Variants in SPRY3 observed in about 807,000 individuals in gnomAD.
The protein encoded by SPRY3 is protein sprouty homolog 3.
Under a neutral mutation model 20.2 loss-of-function variants are expected in SPRY3, and 15 were observed. The observed-to-expected ratio is 0.74, with a 90% CI of 0.50 to 1.14. SPRY3 has a LOEUF of 1.14. Among genes scored for constraint, SPRY3 ranks in the 50% most tolerant of loss-of-function variants. SPRY3 has a pLI of 0.00. For synonymous variants in SPRY3, 143 were observed against 136.5 expected, an observed-to-expected ratio of 1.05 and a Z score of -0.33; for missense variants, 364 against 363.9, an observed-to-expected ratio of 1.00 and a Z score of 0.00.
intron 1 of SPRY3, among the ~76,000 whole-genome samples, chrX:155,621,394 T>G (rs2067870543): frequency 9.0e-6 from 1 of 111,481 alleles, no homozygotes; most frequent in African/African-American, 3.3e-5. Flanking sequence ...GTCTTACTGT[T>G]GGTGAGGCAA....
chrX:155,724,522 T>C (rs1453346839), intron 2 of SPRY3, among the ~76,000 whole-genome samples: 1 of 152,184 alleles, frequency 6.6e-6, no homozygotes, highest in East Asian at 1.9e-4. Flanking sequence ...GTTGGATTCC[T>C]AGGATTCCGA....
intron 1 of SPRY3, among the ~76,000 whole-genome samples, chrX:155,619,728 A>G (rs2067865341): frequency 8.9e-6 from 1 of 111,732 alleles, no homozygotes; most frequent in African/African-American, 3.2e-5. Flanking sequence ...TGCCAAAGAC[A>G]TTGTTATGAA....
At chrX:155,645,121 G>A (rs2067953734) in intron 1 of SPRY3, among the ~76,000 whole-genome samples, 1 of 111,703 alleles carries the variant, frequency 9.0e-6, no homozygotes, top group South Asian at 3.8e-4. Flanking sequence ...CGTTTGTCTA[G>A]AAATGTCATC....
intron 2 of SPRY3, among the ~76,000 whole-genome samples, chrX:155,732,148 C>A (rs1236274772): frequency 6.6e-6 from 1 of 152,006 alleles, no homozygotes; most frequent in Non-Finnish European, 1.5e-5. Context: ...ATAGACGATT[C>A]TGATGAGTCA....
At chrX:155,766,125 A>C (rs1407239864) in intron 2 of SPRY3, among the ~76,000 whole-genome samples, 1 of 152,210 alleles carries the variant, frequency 6.6e-6, no homozygotes, top group East Asian at 1.9e-4. Context: ...GAAATTACAC[A>C]CACGCACATA....
Position 155,723,000 on chromosome X carries a change from T to C in SPRY3, c.-281-44962T>C, listed in dbSNP as rs189993724. Among the ~76,000 whole-genome samples the C allele has an allele frequency of 3.7e-3, 558 of 151,794 alleles. 2 individuals are homozygous for C. Among genetic ancestry groups the C allele is most frequent in the African/African-American group, 0.012 (511 of 41,328 alleles). ...CCCTGTGTCCAAGTGTTCTCATTGT[T>C]CAGTTCCCACCTATGAGTGAGAACA... On this transcript the variant is annotated intron_variant, in intron 2 of 3. Coordinates refer to ENST00000675360, the Ensembl canonical transcript of SPRY3.
chrX:155,741,281 G>T (rs1484617143), intron 2 of SPRY3, among the ~76,000 whole-genome samples: 1 of 151,970 alleles, frequency 6.6e-6, no homozygotes, highest in African/African-American at 2.4e-5. Flanking sequence ...TCTGAAATAA[G>T]ACAGGTGGAC....
At chrX:155,732,180 G>A (rs1384770886) in intron 2 of SPRY3, among the ~76,000 whole-genome samples, 1 of 151,904 alleles carries the variant, frequency 6.6e-6, no homozygotes, top group Non-Finnish European at 1.5e-5. Context: ...TGTTAGTTCT[G>A]TTTAGAAAAA....
chrX:155,705,526 T>G (rs926795025), intron 2 of SPRY3, among the ~76,000 whole-genome samples: 1 of 151,340 alleles, frequency 6.6e-6, no homozygotes, highest in Admixed American at 6.6e-5. Context: ...ATAATCACAT[T>G]AAGTGTAAAT....
intron 2 of SPRY3, among the ~76,000 whole-genome samples, chrX:155,737,641 A>G (rs1397205056): frequency 6.6e-6 from 1 of 152,166 alleles, no homozygotes; most frequent in Non-Finnish European, 1.5e-5. Context: ...GAAGACCTGG[A>G]TGTGATAGTT....
At chrX:155,734,154 T>TAC (rs2091152759) in intron 2 of SPRY3, among the ~76,000 whole-genome samples, 1 of 152,150 alleles carries the variant, frequency 6.6e-6, no homozygotes, top group African/African-American at 2.4e-5. Flanking sequence ...TTTCAGCCTG[T>TAC]CCTGCCTTCC....
At chrX:155,764,316 T>A (rs1402320781) in intron 2 of SPRY3, among the ~76,000 whole-genome samples, 1 of 152,182 alleles carries the variant, frequency 6.6e-6, no homozygotes, top group Non-Finnish European at 1.5e-5. Context: ...GAAAACAAAT[T>A]TTCTGAAGTG....
Position 155,678,904 on chromosome X carries a change from A to C in SPRY3, c.-282+21879A>C, listed in dbSNP as rs1053321346. ...CAGTCTTGAGAGGACAGATTCATTC[A>C]ACAAATATTTTTGAGCTCCTACTCT... On this transcript the variant is annotated intron_variant, in intron 2 of 3. Transcript: ENST00000675360. Among the ~76,000 whole-genome samples the C allele has an allele frequency of 3.6e-5, 4 of 111,922 alleles. No homozygotes were observed. The Admixed American group carries it at 3.8e-4, about 11-fold the overall frequency.
At chrX:155,761,198 A>G (rs2091302700) in intron 2 of SPRY3, among the ~76,000 whole-genome samples, 1 of 152,056 alleles carries the variant, frequency 6.6e-6, no homozygotes, top group Non-Finnish European at 1.5e-5. Context: ...TAAATTACCT[A>G]TCCTAATTTC....
chrX:155,663,986 G>A (rs1439448940), intron 2 of SPRY3, among the ~76,000 whole-genome samples: 1 of 110,350 alleles, frequency 9.1e-6, no homozygotes, highest in Non-Finnish European at 1.9e-5. Context: ...TAGGTACATA[G>A]TAGGGGATTT....
At chrX:155,761,162 T>C (rs990521667) in intron 2 of SPRY3, among the ~76,000 whole-genome samples, 40 of 152,160 alleles carry the variant, frequency 2.6e-4, no homozygotes, top group Non-Finnish European at 5.7e-4. Context: ...ACCAATACCC[T>C]ATGGGGCTAA....
At chrX:155,653,040 A>C (rs2067981832) in intron 1 of SPRY3, among the ~76,000 whole-genome samples, 1 of 111,090 alleles carries the variant, frequency 9.0e-6, no homozygotes, top group Non-Finnish European at 1.9e-5. Context: ...TATTCAAGTC[A>C]TTTGCTCATT....
At chrX:155,765,287 GTGAGACAGCC>G (rs55997085) in intron 2 of SPRY3, among the ~76,000 whole-genome samples, 70,477 of 151,582 alleles carry the variant, frequency 0.46, 16,968 homozygotes, top group African/African-American at 0.63. Context: ...AAGCTCTGGA[GTGAGACAGCC>G]TGAGTCAGCC....
chrX:155,773,307 GATATATATAT>G (rs1556238552), intron 3 of SPRY3, among the ~76,000 whole-genome samples: 46 of 120,722 alleles, frequency 3.8e-4, no homozygotes, highest in Middle Eastern at 8.8e-3. Context: ...ATTTTGATTG[GATATATATAT>G]ATATATATAT....
Sources: gnomAD v4.1 joint callset for allele counts (sites outside exome capture counted in the v4.1 genomes callset) on GRCh38, gnomAD v4.1.1 for gene constraint, MANE v1.5 for transcripts, NCBI Gene and HGNC (gene_info 2026-07-23, HGNC 2026-07-21) for gene names.